Variants in LRRC37B observed in about 807,000 individuals in gnomAD.
LRRC37B encodes the protein leucine rich repeat containing 37B.
Under a neutral mutation model 98.3 loss-of-function variants are expected in LRRC37B, and 28 were observed. The observed-to-expected ratio is 0.28, with a 90% CI of 0.21 to 0.39. The LOEUF (loss-of-function observed/expected upper bound fraction) is 0.39. Ranked by LOEUF, LRRC37B falls within the 10% of genes least tolerant of loss-of-function variation. LRRC37B has a pLI of 1.00. For missense variants in LRRC37B, 938 were observed against 1,182.7 expected (o/e 0.79, Z 3.03); for synonymous variants, 364 against 442.7 (o/e 0.82, Z 2.23).
chr17:32,043,582 G>A (rs1911502700), intron 7 of LRRC37B, among the ~76,000 whole-genome samples: 1 of 152,140 alleles, frequency 6.6e-6, no homozygotes, highest in Non-Finnish European at 1.5e-5. Context: ...ACATCTTTGT[G>A]TCAGAGTTAA....
At chr17:32,051,480 CAAAAAAAAAAAA>C (rs552641167) in intron 11 of LRRC37B, 2 of 65,994 alleles carry the variant, frequency 3.0e-5, no homozygotes, top group African/African-American at 1.0e-4. Flanking sequence ...GACTCTGCCT[CAAAAAAAAAAAA>C]AAAAAAAGAA....
chr17:32,044,842 A>G (rs1474011221), intron 7 of LRRC37B, among the ~76,000 whole-genome samples: 1 of 152,190 alleles, frequency 6.6e-6, no homozygotes, highest in African/African-American at 2.4e-5. Context: ...GTTAGCTATG[A>G]TTTTGCCACT....
At chr17:32,009,545 T>C (rs747630580) in intron 1 of LRRC37B, among the ~76,000 whole-genome samples, 49 of 152,336 alleles carry the variant, frequency 3.2e-4, no homozygotes, top group Middle Eastern at 6.8e-3. Context: ...AGTGCTGAGA[T>C]GACAGGCATG....
intron 7 of LRRC37B, chr17:32,040,874 C>T (rs1239562428): frequency 1.2e-6 from 1 of 856,228 alleles, no homozygotes; most frequent in Non-Finnish European, 2.0e-6. Flanking sequence ...GTGAGAAAGA[C>T]CTGAAGGGGA....
intron 1 of LRRC37B, among the ~76,000 whole-genome samples, chr17:32,009,111 T>C (rs1264766776): frequency 6.6e-6 from 1 of 152,110 alleles, no homozygotes; most frequent in Non-Finnish European, 1.5e-5. Flanking sequence ...TCAGTTTTTG[T>C]TGGTTTTTTT....
At chr17:32,048,157 C>A (rs1317986477) in intron 9 of LRRC37B, 3 of 773,874 alleles carry the variant, frequency 3.9e-6, no homozygotes, top group Non-Finnish European at 6.5e-6. Context: ...AACTGTGCAA[C>A]CACAGGAAAA....
At chr17:32,042,354 C>T (rs1422121845) in intron 7 of LRRC37B, 2 of 171,990 alleles carry the variant, frequency 1.2e-5, no homozygotes, top group East Asian at 1.4e-4. Context: ...TACACACCCC[C>T]CCAGCACACC....
At chr17:32,047,945 A>G in intron 9 of LRRC37B, 44 bp downstream of exon 12, 6 of 1,614,092 alleles carry the variant, frequency 3.7e-6, no homozygotes, top group Non-Finnish European at 4.2e-6. Flanking sequence ...TTAGCAGTGC[A>G]CTAAGTTACA....
Position 32,032,794 on chromosome 17 carries a change from G to T in LRRC37B, c.2057+1336G>T, listed in dbSNP as rs554678112. Among the ~76,000 whole-genome samples, 136 of 152,228 alleles carry T rather than the reference G, an allele frequency of 8.9e-4. 1 individual carries two copies. The highest frequency in any genetic ancestry group is 3.1e-3 in the African/African-American group (128 of 41,542). On this transcript the variant is annotated intron_variant, in intron 5 of 11. Coordinates refer to ENST00000327564, the Ensembl canonical transcript of LRRC37B. ...GGCTCATTAGGTCCCTCCACCAAGA[G>T]GTTTGGGTAGCATCAATACAAATGT...
chr17:32,051,730 G>A (rs1391110196), intron 11 of LRRC37B: 1 of 152,066 alleles, frequency 6.6e-6, no homozygotes, highest in Non-Finnish European at 1.5e-5. Context: ...AACTATCTTG[G>A]GATTTGAATA....
chr17:32,033,087 C>A (rs1316490305), intron 5 of LRRC37B, among the ~76,000 whole-genome samples: 1 of 152,150 alleles, frequency 6.6e-6, no homozygotes, highest in Non-Finnish European at 1.5e-5. Flanking sequence ...TCACTTGAAC[C>A]CAGGAGGCGG....
intron 1 of LRRC37B, among the ~76,000 whole-genome samples, chr17:32,013,878 A>C (rs898444314): frequency 3.3e-5 from 5 of 152,186 alleles, no homozygotes; most frequent in African/African-American, 1.2e-4. Flanking sequence ...TATACAATGC[A>C]TGTATGATAC....
At chr17:32,024,416 A>G (rs574575167) in intron 1 of LRRC37B, 7 of 624,930 alleles carry the variant, frequency 1.1e-5, no homozygotes, top group African/African-American at 5.5e-5. Flanking sequence ...GTTTAGACAC[A>G]TAAGTGCTTT....
exon 1 of LRRC37B, chr17:32,022,770 C>T: frequency 3.1e-6 from 5 of 1,614,000 alleles, no homozygotes; most frequent in Non-Finnish European, 4.2e-6. Flanking sequence ...AAAGCAGAGG[C>T]TCCGCCAAGT....
chr17:32,024,584 T>A (rs1448790947), intron 1 of LRRC37B, 127 bp from the exon 5 acceptor site: 7 of 1,537,548 alleles, frequency 4.6e-6, no homozygotes, highest in Non-Finnish European at 6.3e-6. Context: ...CTGATAGCTC[T>A]GGAAATGAGA....
upstream of LRRC37B, chr17:32,020,892 G>C (rs1910751661): frequency 7.4e-7 from 1 of 1,354,388 alleles, no homozygotes; most frequent in Admixed American, 2.9e-5. Context: ...GACCACCCCG[G>C]TCTGCGGCCC....
intron 7 of LRRC37B, among the ~76,000 whole-genome samples, chr17:32,039,462 G>T (rs1911344120): frequency 8.2e-6 from 1 of 121,738 alleles, no homozygotes; most frequent in African/African-American, 3.1e-5. Context: ...GGGTGACAGA[G>T]CAAGAACCTG....
Position 32,022,908 on chromosome 17 carries a change from T to C in LRRC37B, c.1760+83T>C, listed in dbSNP as rs560383967. The C allele has an allele frequency of 4.4e-6, 6 of 1,352,060 alleles. No individual in the cohort carries two copies. In the South Asian group the frequency reaches 4.8e-5, roughly 11 times the overall value. 83.8% of individuals were successfully genotyped at this position (1,352,060 alleles called of 1,614,324 possible). A position where few individuals can be genotyped will look rare whatever the true frequency, so the allele number is the denominator to read the frequency against. ...CCTGGAGGCCTTCCTGGGCCTTCTT[T>C]ATCTCCCCAAGCCATACTGACAAGT... On this transcript the variant is annotated intron_variant, in intron 1 of 11. Transcript: ENST00000327564.
At chr17:32,046,687 AG>A (rs1233850129) in intron 8 of LRRC37B, among the ~76,000 whole-genome samples, 1 of 149,536 alleles carries the variant, frequency 6.7e-6, no homozygotes, top group Non-Finnish European at 1.5e-5. Flanking sequence ...TTTACAGGTG[AG>A]GAAAAACAAG....
Sources: gnomAD v4.1 joint callset for allele counts (sites outside exome capture counted in the v4.1 genomes callset) on GRCh38, gnomAD v4.1.1 for gene constraint, MANE v1.5 for transcripts, NCBI Gene and HGNC (gene_info 2026-07-23, HGNC 2026-07-21) for gene names.